Variants in ANKRD18A observed in about 807,000 individuals in gnomAD.
ANKRD18A encodes ankyrin repeat domain 18A.
ANKRD18A carries 72 observed loss-of-function variants against 110.6 expected under a neutral mutation model. The observed-to-expected ratio is 0.65, with a 90% CI of 0.54 to 0.79. The LOEUF (loss-of-function observed/expected upper bound fraction) is 0.79. Ranked by LOEUF, ANKRD18A falls within the 30% of genes least tolerant of loss-of-function variation. ANKRD18A has a pLI of 0.00. For synonymous variants in ANKRD18A, 305 were observed against 410.3 expected (o/e 0.74, Z 3.10); for missense variants, 934 against 1,163.3 (o/e 0.80, Z 2.87).
chr9:38,607,963 G>T (rs996022722), intron 5 of ANKRD18A, among the ~76,000 whole-genome samples: 4 of 152,202 alleles, frequency 2.6e-5, no homozygotes, highest in African/African-American at 9.7e-5. Context: ...CTGCATTGCT[G>T]AAACCATTTT....
chr9:38,597,273 G>A (rs1824926882), intron 8 of ANKRD18A, among the ~76,000 whole-genome samples: 1 of 152,166 alleles, frequency 6.6e-6, no homozygotes, highest in African/African-American at 2.4e-5. Flanking sequence ...TTTCCCCACT[G>A]CCTTTTCTCC....
chr9:38,569,147 A>C (rs1187964075), downstream of ANKRD18A: 1 of 985,344 alleles, frequency 1.0e-6, no homozygotes, highest in African/African-American at 1.7e-5. Context: ...CTGGACCTGC[A>C]TCTTGGTTAT....
intron 8 of ANKRD18A, among the ~76,000 whole-genome samples, chr9:38,599,458 T>C (rs1269069485): frequency 6.6e-6 from 1 of 152,046 alleles, no homozygotes; most frequent in East Asian, 1.9e-4. Flanking sequence ...TTGAACTTTT[T>C]TGTAATGAAT....
intron 1 of ANKRD18A, among the ~76,000 whole-genome samples, chr9:38,617,451 A>G (rs1283504378): frequency 1.4e-5 from 2 of 147,598 alleles, no homozygotes; most frequent in Non-Finnish European, 2.9e-5. Context: ...AAACGAAAAA[A>G]CAAACAAACA....
Position 38,611,300 on chromosome 9 carries a change from A to G in ANKRD18A, c.517T>C (p.Phe173Leu). 3.9e-6 allele frequency: 6 copies of G among 1,528,526 alleles called. No individual in the cohort carries two copies. The highest frequency in any genetic ancestry group is 5.3e-6 in the Non-Finnish European group (6 of 1,139,594). The allele number at this position is 1,528,526 out of a possible 1,614,324, so 94.7% of individuals were successfully genotyped here. A position where few individuals can be genotyped will look rare whatever the true frequency, so the allele number is the denominator to read the frequency against. Residue 173 changes from phenylalanine to leucine, a missense_variant, in exon 4 of 16, where the codon TTT becomes CTT. By Grantham distance (22) the Phe-to-Leu change is conservative. Around this residue, in one of 4 missense-constraint regions of ANKRD18A, gnomAD observed 630 missense variants for 797.5 expected, o/e 0.79. Coordinates refer to ENST00000399703, the MANE Select transcript of ANKRD18A (RefSeq NM_147195.4). Reference sequence around the variant, plus strand: ...TGCTGTCTCCTGGAATTTATAGCAAACAAAAGTGGAGTGTTTCCCTCCTGT... The same window carrying G: ...TGCTGTCTCCTGGAATTTATAGCAAGCAAAAGTGGAGTGTTTCCCTCCTGT... Reference protein sequence around the residue: ...LNKEGNTPLLFAINSRRQHMV... With the variant: ...LNKEGNTPLLLAINSRRQHMV...
At chr9:38,597,261 C>A (rs372679006) in intron 8 of ANKRD18A, among the ~76,000 whole-genome samples, 1 of 152,158 alleles carries the variant, frequency 6.6e-6, no homozygotes, top group Non-Finnish European at 1.5e-5. Flanking sequence ...CTAAGATATT[C>A]TTTTCCCCAC....
chr9:38,569,042 C>A (rs1183920641), downstream of ANKRD18A: 2 of 985,290 alleles, frequency 2.0e-6, no homozygotes, highest in Admixed American at 6.1e-5. Flanking sequence ...GGCTGCAGGG[C>A]AGCTGGCTGC....
rs867927351 is a variant in ANKRD18A at position 38,574,525 on chromosome 9, C to T, written c.2964+951G>A. ...AGAGACGGGGTTTCATCATGTTGGCCAGGCTGGTATCAAACTCCTGTCCTC... is the reference window on the plus strand; with the variant it reads ...AGAGACGGGGTTTCATCATGTTGGCTAGGCTGGTATCAAACTCCTGTCCTC... On this transcript the variant is annotated intron_variant, in intron 15 of 15. Transcript: ENST00000399703. Among the ~76,000 whole-genome samples the T allele has an allele frequency of 5.9e-5, 9 of 152,064 alleles. No individual in the cohort carries two copies. The South Asian group carries it at 1.2e-3, about 21-fold the overall frequency.
At chr9:38,617,958 A>C (rs1825924936) in intron 1 of ANKRD18A, among the ~76,000 whole-genome samples, 1 of 152,204 alleles carries the variant, frequency 6.6e-6, no homozygotes, top group African/African-American at 2.4e-5. Flanking sequence ...AACTATAATG[A>C]AATGATTAAT....
rs575125989 is a variant in ANKRD18A at position 38,577,215 on chromosome 9, G to A, written c.2579C>T (p.Thr860Met). The change falls in exon 14 of 16, where the codon ACG becomes ATG. Residue 860 changes from threonine (T) to methionine (M), a missense_variant. This residue lies in a region of ANKRD18A where 223 missense variants were observed against 226.7 expected (regional missense o/e 0.98). Transcript: ENST00000399703. ...KQLEQLNKDN[T>M]ASLKKKELTL... The stretch of plus-strand genomic sequence containing the variant: ...GAGTTCCTTCTTTTTTAGTGAAGCC[G>A]TATTATCCTTGTTTAACTGCTCTAA... 7.1e-6 allele frequency: 11 copies of A among 1,544,156 alleles called. No individual in the cohort carries two copies. The highest frequency in any genetic ancestry group is 1.4e-5 in the African/African-American group (1 of 72,636).
At chr9:38,598,411 T>C (rs984282370) in intron 8 of ANKRD18A, among the ~76,000 whole-genome samples, 2 of 152,190 alleles carry the variant, frequency 1.3e-5, no homozygotes, top group African/African-American at 2.4e-5. Flanking sequence ...CTTTGACACA[T>C]AATTACACAT....
Position 38,598,903 on chromosome 9 carries a change from C to T in ANKRD18A, c.936+2228G>A, listed in dbSNP as rs1309629801. Among the ~76,000 whole-genome samples, 3 of 152,204 alleles carry T rather than the reference C, an allele frequency of 2.0e-5. No homozygotes were observed. The East Asian group carries it at 5.8e-4, about 29-fold the overall frequency. On this transcript the variant is annotated intron_variant, in intron 8 of 15. Transcript: ENST00000399703. ...GCTTCCATTCTTTGGAGTGAGCAAA[C>T]CACAAATCAAAAAGACTTTTTGGAT...
intron 3 of ANKRD18A, among the ~76,000 whole-genome samples, chr9:38,614,836 T>A (rs1468637669): frequency 6.6e-6 from 1 of 152,222 alleles, no homozygotes; most frequent in South Asian, 2.1e-4. Flanking sequence ...TAGACTCTTA[T>A]CTAAGTTGCT....
At chr9:38,598,442 T>A (rs1044739096) in intron 8 of ANKRD18A, among the ~76,000 whole-genome samples, 1 of 152,184 alleles carries the variant, frequency 6.6e-6, no homozygotes, top group Non-Finnish European at 1.5e-5. Context: ...CCACTGTAAC[T>A]ATACACATGA....
intron 12 of ANKRD18A, among the ~76,000 whole-genome samples, chr9:38,578,417 T>G (rs376050161): frequency 4.7e-4 from 72 of 152,342 alleles, no homozygotes; most frequent in African/African-American, 1.7e-3. Flanking sequence ...TAATTCATTT[T>G]TGTTCCTCCT....
chr9:38,618,336 T>C (rs1396929515), intron 1 of ANKRD18A, among the ~76,000 whole-genome samples: 1 of 152,208 alleles, frequency 6.6e-6, no homozygotes, highest in South Asian at 2.1e-4. Flanking sequence ...CACCAGACCA[T>C]AGTATGTTTG....
In ANKRD18A at chr9:38,620,074, A is replaced by T; in HGVS notation, c.206+6T>A. 2 of 1,550,170 alleles carry T rather than the reference A, an allele frequency of 1.3e-6. No individual in the cohort carries two copies. The highest frequency in any genetic ancestry group is 1.7e-6 in the Non-Finnish European group (2 of 1,146,896). ...CCTCCCACCGCGGGCTGAGTCCCCG[A>T]GCTACCTGTCTTTTCTGTCGCGGGC... On this transcript the variant is annotated splice_donor_region_variant and intron_variant, in intron 1 of 15. Transcript: ENST00000399703.
At chr9:38,568,846 T>A (rs538679998), downstream of ANKRD18A, 1 of 985,380 alleles carries the variant, frequency 1.0e-6, no homozygotes, top group East Asian at 1.1e-4. Flanking sequence ...GAGGCCCAAC[T>A]GGGCCAGGAC....
At chr9:38,587,947 G>C (rs1453097696) in intron 11 of ANKRD18A, among the ~76,000 whole-genome samples, 1 of 152,096 alleles carries the variant, frequency 6.6e-6, no homozygotes, top group African/African-American at 2.4e-5. Flanking sequence ...AATTAGCCAG[G>C]CAGGGTGGTG....
Sources: allele counts gnomAD v4.1 joint callset (sites outside exome capture counted in the v4.1 genomes callset), GRCh38; gene constraint gnomAD v4.1.1; regional missense constraint gnomAD v4.1.1; transcripts MANE v1.5; gene names NCBI Gene and HGNC (gene_info 2026-07-23, HGNC 2026-07-21).